EBF1: variants seen among roughly 807,000 people sequenced by gnomAD.
The protein encoded by EBF1 is EBF transcription factor 1.
EBF1 carries 10 observed loss-of-function variants against 68.4 expected under a neutral mutation model. That is an observed-to-expected ratio of 0.15 (90% CI 0.09 to 0.25). The LOEUF (loss-of-function observed/expected upper bound fraction) is 0.25, where lower values mean the gene tolerates loss of function less well. EBF1 is among the 10% of genes least tolerant of loss of function. EBF1 has a pLI of 1.00. For synonymous variants in EBF1, 298 were observed against 299.8 expected (o/e 0.99, Z 0.06); for missense variants, 509 against 794.4 (o/e 0.64, Z 4.32).
At chr5:158,922,938 G>T (rs1027788938) in intron 6 of EBF1, among the ~76,000 whole-genome samples, 2 of 152,160 alleles carry the variant, frequency 1.3e-5, no homozygotes, top group Non-Finnish European at 2.9e-5. Context: ...GAATTCAAGT[G>T]GCCACTTGTA....
chr5:158,969,919 A>AGAAAGAAAGAAAG (rs199980397), intron 6 of EBF1, among the ~76,000 whole-genome samples: 655 of 60,192 alleles, frequency 0.011, 36 homozygotes, highest in Middle Eastern at 0.026. Flanking sequence ...AAAGAAAGAA[A>AGAAAGAAAGAAAG]AAAAAAAAAA....
rs114873410 is a variant in EBF1, at chr5:159,003,349, G to A, written c.554+70047C>T. Among the ~76,000 whole-genome samples the A allele has an allele frequency of 3.6e-3, 544 of 152,242 alleles. 3 individuals carry two copies. Among genetic ancestry groups the A allele is most frequent in the African/African-American group, 0.012 (497 of 41,546 alleles). On this transcript the variant is annotated intron_variant, in intron 6 of 15. Transcript: ENST00000313708. ...TGTTCCTGTACAGATTTTCTTGGGT[G>A]GTAATGTGCTAATGACAATAATAAT...
intron 6 of EBF1, among the ~76,000 whole-genome samples, chr5:158,906,977 G>T (rs910348828): frequency 5.3e-5 from 8 of 152,216 alleles, no homozygotes; most frequent in Non-Finnish European, 1.2e-4. Context: ...CTTACGAAGA[G>T]GGGTTCATTT....
rs1783184855 is a variant in EBF1 at position 159,099,196 on chromosome 5, G to A, written c.134+149C>T. 4 of 526,696 alleles carry A rather than the reference G, an allele frequency of 7.6e-6. No homozygotes were observed. The South Asian group carries it at 3.6e-4, about 47-fold the overall frequency. The allele number at this position is 526,696 out of a possible 1,614,324, so 32.6% of individuals were successfully genotyped here. On this transcript the variant is annotated intron_variant, in intron 1 of 15. Transcript: ENST00000313708. ...CGAAGGCAGAGCGGCTGGAGAGCGC[G>A]GAGCCCCGGCGGAGAGCGGAGCGCA...
intron 7 of EBF1, among the ~76,000 whole-genome samples, chr5:158,836,311 G>A (rs1788788399): frequency 6.6e-6 from 1 of 152,168 alleles, no homozygotes; most frequent in South Asian, 2.1e-4. Context: ...ATACTGGAGA[G>A]AGCCTATAAA....
intron 6 of EBF1, among the ~76,000 whole-genome samples, chr5:159,039,469 T>C (rs952655242): frequency 7.9e-5 from 12 of 152,342 alleles, no homozygotes; most frequent in Middle Eastern, 3.4e-3. Flanking sequence ...ATGCATTACA[T>C]TTCCCTACAA....
At chr5:158,814,207 A>T (rs1783249530) in intron 8 of EBF1, among the ~76,000 whole-genome samples, 1 of 152,112 alleles carries the variant, frequency 6.6e-6, no homozygotes, top group South Asian at 2.1e-4. Flanking sequence ...GCCTGATGTG[A>T]TGGAGTGCAC....
Position 158,955,821 on chromosome 5 carries a change from G to A in EBF1, c.555-115711C>T, listed in dbSNP as rs183773986. Among the ~76,000 whole-genome samples the A allele has an allele frequency of 4.6e-5, 7 of 152,266 alleles. No homozygotes were observed. The East Asian group carries it at 1.2e-3, about 25-fold the overall frequency. The stretch of plus-strand genomic sequence containing the variant: ...AGAGTAGAAGTGTGCTACCATTGAG[G>A]GGAGTCACAAGAAGATGCTGCAGGT... On this transcript the variant is annotated intron_variant, in intron 6 of 15. Coordinates refer to ENST00000313708, the MANE Select transcript of EBF1 (RefSeq NM_024007.5).
chr5:158,779,604 C>T (rs1385678951), intron 9 of EBF1, among the ~76,000 whole-genome samples: 2 of 152,078 alleles, frequency 1.3e-5, no homozygotes, highest in African/African-American at 2.4e-5. Context: ...TATAGAGTAC[C>T]ATTAACTCAC....
chr5:158,784,072 G>A (rs1288881836), intron 9 of EBF1, among the ~76,000 whole-genome samples: 1 of 152,170 alleles, frequency 6.6e-6, no homozygotes, highest in Admixed American at 6.5e-5. Flanking sequence ...TGATGGTAAT[G>A]ACCTTGATAA....
chr5:159,081,232 C>T (rs1003296670), intron 5 of EBF1, among the ~76,000 whole-genome samples: 1 of 152,156 alleles, frequency 6.6e-6, no homozygotes, highest in Admixed American at 6.5e-5. Context: ...ATCCTCCCAC[C>T]CTGGCCTCCC....
intron 8 of EBF1, among the ~76,000 whole-genome samples, chr5:158,803,668 C>T (rs180755688): frequency 6.6e-6 from 1 of 151,706 alleles, no homozygotes; most frequent in African/African-American, 2.4e-5. Context: ...CAAATAAACT[C>T]AGCCAATAAA....
chr5:158,811,294 A>G (rs1239344197), intron 8 of EBF1, among the ~76,000 whole-genome samples: 1 of 152,164 alleles, frequency 6.6e-6, no homozygotes, highest in African/African-American at 2.4e-5. Flanking sequence ...GCCTTTGAGT[A>G]ATGTCGTCAA....
Position 158,925,258 on chromosome 5 carries a change from C to T in EBF1, c.555-85148G>A, listed in dbSNP as rs191329976. ...GCTTTATTTTCCTCACAGCACATATCACTTTTATCTTATTGTCTAGCTCCC... is the reference window on the plus strand; with the variant it reads ...GCTTTATTTTCCTCACAGCACATATTACTTTTATCTTATTGTCTAGCTCCC... On this transcript the variant is annotated intron_variant, in intron 6 of 15. Coordinates refer to ENST00000313708, the MANE Select transcript of EBF1 (RefSeq NM_024007.5). Among the ~76,000 whole-genome samples, 514 of 152,312 alleles carry T rather than the reference C, an allele frequency of 3.4e-3. 2 individuals are homozygous for T. Among genetic ancestry groups the T allele is most frequent in the Non-Finnish European group, 2.5e-3 (171 of 68,028 alleles).
chr5:159,044,174 G>A (rs1175076022), intron 6 of EBF1, among the ~76,000 whole-genome samples: 2 of 152,160 alleles, frequency 1.3e-5, no homozygotes, highest in African/African-American at 4.8e-5. Context: ...TAACCAGAAT[G>A]TTTAACTACA....
chr5:158,824,623 G>A (rs1307019720), intron 7 of EBF1, among the ~76,000 whole-genome samples: 1 of 152,226 alleles, frequency 6.6e-6, no homozygotes, highest in Non-Finnish European at 1.5e-5. Context: ...TGGCACAGAT[G>A]GAGGCCTCAG....
chr5:158,889,103 C>T (rs1800643274), intron 6 of EBF1, among the ~76,000 whole-genome samples: 1 of 152,162 alleles, frequency 6.6e-6, no homozygotes, highest in East Asian at 1.9e-4. Context: ...ACCAAAACTA[C>T]CCTGATTTCC....
intron 6 of EBF1, among the ~76,000 whole-genome samples, chr5:159,034,619 A>G (rs1314920385): frequency 1.3e-5 from 2 of 152,146 alleles, no homozygotes; most frequent in Non-Finnish European, 2.9e-5. Flanking sequence ...TATTTTATTG[A>G]ATTAACTCCA....
In EBF1 at chr5:158,697,456, A is replaced by T. The variant is rs1755943250; in HGVS notation, c.*1655T>A. The T allele has an allele frequency of 4.8e-6, 1 of 210,222 alleles. No homozygotes were observed. The highest frequency in any genetic ancestry group is 9.7e-6 in the Non-Finnish European group (1 of 103,464). 13.0% of individuals were successfully genotyped at this position (210,222 alleles called of 1,614,324 possible). ...AGCTAATACAAGTGTAGGTGACCAA[A>T]CAAATACGCACTTTTCACGTAGCAA... On this transcript the variant is annotated 3_prime_UTR_variant, in exon 16 of 16. Transcript: ENST00000313708.
Sources: allele counts gnomAD v4.1 joint callset (sites outside exome capture counted in the v4.1 genomes callset), GRCh38; gene constraint gnomAD v4.1.1; transcripts MANE v1.5; gene names NCBI Gene and HGNC (gene_info 2026-07-23, HGNC 2026-07-21).